The following CARMIL1 variants were observed in gnomAD, a reference collection of about 807,000 sequenced individuals.
CARMIL1 encodes F-actin-uncapping protein LRRC16A.
Under a neutral mutation model 177.1 loss-of-function variants are expected in CARMIL1, and 90 were observed. That is an observed-to-expected ratio of 0.51 (90% CI 0.43 to 0.61). The LOEUF (loss-of-function observed/expected upper bound fraction) is 0.61. Among genes scored for constraint, CARMIL1 ranks in the 20% least tolerant of loss-of-function variants. The probability of loss-of-function intolerance (pLI) is 0.00; values close to 1 mark genes in which losing one functional copy is unlikely to be tolerated. For missense variants in CARMIL1, 1,380 were observed against 1,667.0 expected (o/e 0.83, Z 3.00); for synonymous variants, 577 against 606.2 (o/e 0.95, Z 0.71).
chr6:25,431,694 C>T (rs1796805134), intron 4 of CARMIL1, among the ~76,000 whole-genome samples: 1 of 151,908 alleles, frequency 6.6e-6, no homozygotes, highest in African/African-American at 2.4e-5. Context: ...AGTGTTGATG[C>T]AGCAAGACTA....
intron 1 of CARMIL1, among the ~76,000 whole-genome samples, chr6:25,282,432 C>CTCCTTGCTGT (rs1781209227): frequency 6.6e-6 from 1 of 152,136 alleles, no homozygotes; most frequent in African/African-American, 2.4e-5. Flanking sequence ...AACATTCCAC[C>CTCCTTGCTGT]TCCTTGCTGT....
intron 2 of CARMIL1, among the ~76,000 whole-genome samples, chr6:25,348,148 C>G (rs1388580324): frequency 6.6e-6 from 1 of 151,402 alleles, no homozygotes; most frequent in Non-Finnish European, 1.5e-5. Context: ...CACTTCTTTT[C>G]TTTTTTTTTG....
rs188559425 is a variant in CARMIL1, at chr6:25,525,845, T to G, written c.1969-2950T>G. ...TTGATGAACTAGGAAAGAAGAGAAA[T>G]GTAACCATACAAAATGCTTAATTAA... On this transcript the variant is annotated intron_variant, in intron 23 of 36. Transcript: ENST00000329474. 9.3e-4 allele frequency among the ~76,000 whole-genome samples: 142 copies of G among 152,016 alleles called. 1 individual carries two copies. The highest frequency in any genetic ancestry group is 1.5e-3 in the Non-Finnish European group (100 of 67,972).
chr6:25,341,532 A>G (rs1056862101), intron 2 of CARMIL1, among the ~76,000 whole-genome samples: 7 of 152,142 alleles, frequency 4.6e-5, no homozygotes, highest in African/African-American at 1.7e-4. Context: ...AAGACCAGCC[A>G]GGCCAACATG....
Position 25,406,482 on chromosome 6 carries a change from A to G in CARMIL1, c.139-13632A>G, listed in dbSNP as rs559361200. ...TTAAAAGATCACGTTCAGATCCTAT[A>G]TGAGCAGGTGATTTGAGGGGGCAGG... On this transcript the variant is annotated intron_variant, in intron 2 of 36. Transcript: ENST00000329474. Among the ~76,000 whole-genome samples, 7 of 151,974 alleles carry G rather than the reference A, an allele frequency of 4.6e-5. No homozygotes were observed. In the South Asian group the frequency reaches 1.2e-3, roughly 27 times the overall value.
At chr6:25,610,003 A>G in intron 35 of CARMIL1, 47 bp from the exon 36 acceptor site, 1 of 1,554,050 alleles carries the variant, frequency 6.4e-7, no homozygotes, top group Non-Finnish European at 8.7e-7. Context: ...ATGTTCTTGG[A>G]ATCCAGTTTG....
At position 25,279,776 on chromosome 6, in the gene CARMIL1, C is replaced by G; in HGVS notation, c.-20C>G. The G allele has an allele frequency of 6.2e-7, 1 of 1,613,746 alleles. No individual in the cohort carries two copies. Among genetic ancestry groups the G allele is most frequent in the South Asian group, 1.1e-5 (1 of 91,068 alleles). On this transcript the variant is annotated 5_prime_UTR_variant, in exon 1 of 37. Transcript: ENST00000329474. ...AATCAGAGTTGGACCTGCAATAACCCCCACACCTACAGGGCAACCATGACC... is the reference window on the plus strand; with the variant it reads ...AATCAGAGTTGGACCTGCAATAACCGCCACACCTACAGGGCAACCATGACC...
intron 2 of CARMIL1, among the ~76,000 whole-genome samples, chr6:25,290,700 G>A (rs1187847305): frequency 2.6e-5 from 4 of 151,968 alleles, no homozygotes; most frequent in South Asian, 2.1e-4. Flanking sequence ...CATACAAATC[G>A]AACTATTCTG....
At chr6:25,473,136 G>A (rs141163756) in intron 11 of CARMIL1, among the ~76,000 whole-genome samples, 241 of 152,258 alleles carry the variant, frequency 1.6e-3, no homozygotes, top group African/African-American at 5.7e-3. Flanking sequence ...TGTGTGTGAG[G>A]CCAGCTGGAG....
intron 11 of CARMIL1, among the ~76,000 whole-genome samples, chr6:25,474,617 G>A (rs1358195504): frequency 6.6e-6 from 1 of 152,166 alleles, no homozygotes; most frequent in Non-Finnish European, 1.5e-5. Context: ...CACGCAAAAA[G>A]TACCCTCATA....
At chr6:25,503,006 A>G (rs1174962703) in intron 17 of CARMIL1, among the ~76,000 whole-genome samples, 2 of 152,240 alleles carry the variant, frequency 1.3e-5, no homozygotes, top group African/African-American at 2.4e-5. Flanking sequence ...TGAACCCTAT[A>G]AAACTGATAT....
intron 17 of CARMIL1, among the ~76,000 whole-genome samples, chr6:25,502,413 G>T (rs1804477877): frequency 6.6e-6 from 1 of 151,900 alleles, no homozygotes; most frequent in Non-Finnish European, 1.5e-5. Flanking sequence ...AAATTAGCTG[G>T]GTGTGGTGGC....
At chr6:25,387,436 G>C (rs10946767) in intron 2 of CARMIL1, among the ~76,000 whole-genome samples, 20,797 of 152,230 alleles carry the variant, frequency 0.14, 1,648 homozygotes, top group East Asian at 0.32. Flanking sequence ...ACAGTTTCTA[G>C]TTCAAGACAA....
At chr6:25,437,568 G>A (rs1378249812) in intron 5 of CARMIL1, among the ~76,000 whole-genome samples, 1 of 152,166 alleles carries the variant, frequency 6.6e-6, no homozygotes, top group Non-Finnish European at 1.5e-5. Flanking sequence ...GCTGTACCCA[G>A]GTCTTCGTCC....
At chr6:25,372,116 C>T (rs2150438646) in intron 2 of CARMIL1, among the ~76,000 whole-genome samples, 1 of 152,260 alleles carries the variant, frequency 6.6e-6, no homozygotes, top group African/African-American at 2.4e-5. Context: ...GTCTATGTAT[C>T]TACTTTTATA....
intron 24 of CARMIL1, among the ~76,000 whole-genome samples, chr6:25,530,120 G>T (rs1442098575): frequency 1.3e-5 from 2 of 151,430 alleles, no homozygotes; most frequent in Admixed American, 6.6e-5. Flanking sequence ...CACTAGAATT[G>T]ATCAGAATGA....
At chr6:25,439,021 A>T (rs1378216336) in intron 5 of CARMIL1, among the ~76,000 whole-genome samples, 2 of 152,098 alleles carry the variant, frequency 1.3e-5, no homozygotes, top group African/African-American at 2.4e-5. Context: ...TTTATTTTGG[A>T]TGCAGGAGTT....
chr6:25,340,275 C>T (rs763078015), intron 2 of CARMIL1, among the ~76,000 whole-genome samples: 1 of 152,190 alleles, frequency 6.6e-6, no homozygotes, highest in Non-Finnish European at 1.5e-5. Flanking sequence ...GTTCTCCTTA[C>T]TTCTAAAGTC....
intron 2 of CARMIL1, among the ~76,000 whole-genome samples, chr6:25,341,139 T>A (rs1183875663): frequency 7.0e-6 from 1 of 143,656 alleles, no homozygotes; most frequent in Non-Finnish European, 1.5e-5. Context: ...GTATTATTAT[T>A]GCCCTTTTAC....
Sources: allele counts gnomAD v4.1 joint callset (sites outside exome capture counted in the v4.1 genomes callset), GRCh38; gene constraint gnomAD v4.1.1; transcripts MANE v1.5; gene names NCBI Gene and HGNC (gene_info 2026-07-23, HGNC 2026-07-21).